The following TIA1 variants were observed in gnomAD, a reference collection of about 807,000 sequenced individuals.
TIA1 encodes cytotoxic granule associated RNA binding protein TIA1.
In TIA1, 23 loss-of-function variants were observed where a neutral mutation model predicts 65.9. That is an observed-to-expected ratio of 0.35 (90% CI 0.25 to 0.49). TIA1 has a LOEUF of 0.49. TIA1 is among the 20% of genes least tolerant of loss of function. The probability of loss-of-function intolerance (pLI) is 0.98; values close to 1 mark genes in which losing one functional copy is unlikely to be tolerated. For synonymous variants in TIA1, 147 were observed against 149.4 expected, an observed-to-expected ratio of 0.98 and a Z score of 0.12; for missense variants, 371 against 477.9, an observed-to-expected ratio of 0.78 and a Z score of 2.09.
At chr2:70,213,634 C>G (rs192030823) in intron 12 of TIA1, among the ~76,000 whole-genome samples, 277 of 151,680 alleles carry the variant, frequency 1.8e-3, no homozygotes, top group Non-Finnish European at 3.2e-3. Context: ...TAGGCATGAG[C>G]CACCATGCCC....
intron 8 of TIA1, 76 bp from the exon 9 acceptor site, chr2:70,216,575 C>T (rs1678728262): frequency 2.1e-6 from 3 of 1,417,054 alleles, no homozygotes; most frequent in Non-Finnish European, 2.9e-6. Flanking sequence ...ATTCACTACA[C>T]TACTGTAAAG....
chr2:70,233,550 TG>T (rs370274467), intron 2 of TIA1, among the ~76,000 whole-genome samples: 5 of 152,176 alleles, frequency 3.3e-5, no homozygotes, highest in Non-Finnish European at 7.4e-5. Context: ...GGGCGGATCA[TG>T]ACATCAGGAG....
Position 70,230,116 on chromosome 2 carries a change from G to A in TIA1, c.222+640C>T, listed in dbSNP as rs369090402. Among the ~76,000 whole-genome samples the A allele has an allele frequency of 2.9e-3, 442 of 150,970 alleles. 3 individuals carry two copies. In the South Asian group the frequency reaches 0.04, roughly 13 times the overall value. The stretch of plus-strand genomic sequence containing the variant: ...AAATTAGTCAGGCGTGGTGGCGGGC[G>A]CCTGTAGTCCCAGCTACTCCAGAGG... On this transcript the variant is annotated intron_variant, in intron 3 of 12. Coordinates refer to ENST00000433529, the MANE Select transcript of TIA1 (RefSeq NM_022173.4).
intron 5 of TIA1, chr2:70,228,770 G>T: frequency 5.3e-6 from 7 of 1,323,776 alleles, no homozygotes; most frequent in East Asian, 3.2e-5. Flanking sequence ...TGGGTATGAA[G>T]CCCAAATGGT....
rs570543045 is a variant in TIA1 at position 70,211,225 on chromosome 2, C to T, written c.*1494G>A. 1 of 152,242 alleles carries T rather than the reference C, an allele frequency of 6.6e-6. No homozygotes were observed. The highest frequency in any genetic ancestry group is 2.1e-4 in the South Asian group (1 of 4,828). 9.4% of individuals were successfully genotyped at this position (152,242 alleles called of 1,614,324 possible). On this transcript the variant is annotated 3_prime_UTR_variant, in exon 13 of 13. Coordinates refer to ENST00000433529, the MANE Select transcript of TIA1 (RefSeq NM_022173.4). ...AAGTGAAACTTCCCACACAAGTCTT[C>T]TAAGAGACTCTGAAATATACTAGAA... is the stretch of plus-strand genomic sequence containing the variant.
At position 70,209,640 on chromosome 2, in the gene TIA1, G is replaced by C. The variant is rs1052964374; in HGVS notation, c.*3079C>G. 4 of 398,218 alleles carry C rather than the reference G, an allele frequency of 1.0e-5. No individual in the cohort carries two copies. Among genetic ancestry groups the C allele is most frequent in the African/African-American group, 8.2e-5 (4 of 48,608 alleles). The allele number at this position is 398,218 out of a possible 1,614,324, so 24.7% of individuals were successfully genotyped here. On this transcript the variant is annotated 3_prime_UTR_variant, in exon 13 of 13. Coordinates refer to ENST00000433529, the MANE Select transcript of TIA1 (RefSeq NM_022173.4). ...AGAGAAAATCCAGGAAGAATGAATT[G>C]AGTTCCTTCTAGGAGTTGTTTATCC...
chr2:70,248,729 C>T (rs756578342), upstream of TIA1: 5 of 452,402 alleles, frequency 1.1e-5, no homozygotes, highest in Non-Finnish European at 1.2e-5. Flanking sequence ...ACACCTTAAT[C>T]CATAGGTTCA....
intron 1 of TIA1, among the ~76,000 whole-genome samples, chr2:70,244,788 T>C (rs573280707): frequency 5.0e-5 from 7 of 140,748 alleles, no homozygotes; most frequent in South Asian, 2.2e-4. Context: ...TGAGCCAAGA[T>C]TGGGCCACTG....
Position 70,215,590 on chromosome 2 carries a change from ACAGTTTG to A in TIA1, c.765-103_765-97del, listed in dbSNP as rs11275704. The A allele has an allele frequency of 8.4e-3, 9,675 of 1,152,960 alleles. 642 individuals carry two copies. In the African/African-American group the frequency reaches 0.14, roughly 16 times the overall value. 71.4% of individuals were successfully genotyped at this position (1,152,960 alleles called of 1,614,324 possible). On this transcript the variant is annotated intron_variant, in intron 10 of 12. Coordinates refer to ENST00000433529, the MANE Select transcript of TIA1 (RefSeq NM_022173.4). Reference sequence around the variant, plus strand: ...AAAATCAAGGTGAGTCTGAGGTAAAACAGTTTGCGTAACATGGCATATTTTCTTTGCT... The same window carrying A: ...AAAATCAAGGTGAGTCTGAGGTAAAACGTAACATGGCATATTTTCTTTGCT...
At chr2:70,227,431 A>G (rs1157834663) in intron 6 of TIA1, among the ~76,000 whole-genome samples, 1 of 152,170 alleles carries the variant, frequency 6.6e-6, no homozygotes. Flanking sequence ...AATTTTACTA[A>G]AGATTGTCAC....
intron 2 of TIA1, among the ~76,000 whole-genome samples, chr2:70,233,765 A>T (rs979328101): frequency 6.3e-5 from 8 of 126,848 alleles, no homozygotes; most frequent in Admixed American, 1.7e-4. Context: ...GACTCTGTCT[A>T]AAAAAAAAAA....
chr2:70,224,940 A>G (rs931676194), intron 6 of TIA1: 21 of 1,086,594 alleles, frequency 1.9e-5, no homozygotes, highest in Admixed American at 4.7e-5. Flanking sequence ...CTACTTAACC[A>G]CTTATAAAGT....
At chr2:70,237,693 T>G (rs1689610259) in intron 1 of TIA1, among the ~76,000 whole-genome samples, 1 of 151,258 alleles carries the variant, frequency 6.6e-6, no homozygotes, top group African/African-American at 2.4e-5. Flanking sequence ...GTGAAACCCC[T>G]TCTCTACTAA....
At chr2:70,218,078 A>C (rs527683124) in intron 7 of TIA1, among the ~76,000 whole-genome samples, 1 of 152,308 alleles carries the variant, frequency 6.6e-6, no homozygotes, top group East Asian at 1.9e-4. Flanking sequence ...TTTTGTGGGG[A>C]ACAAATAAAG....
rs551942606 is a variant in TIA1, at chr2:70,228,949, A to G, written c.310+110T>C. ...AGTATTGCTAGAGAGACAAATAGAA[A>G]TAATATCTCCTCCCGCCCCCCTCCC... On this transcript the variant is annotated intron_variant, in intron 5 of 12. Transcript: ENST00000433529. The G allele has an allele frequency of 1.3e-5, 16 of 1,233,432 alleles. No homozygotes were observed. In the East Asian group the frequency reaches 3.6e-4, roughly 28 times the overall value. The allele number at this position is 1,233,432 out of a possible 1,614,324, so 76.4% of individuals were successfully genotyped here. A position where few individuals can be genotyped will look rare whatever the true frequency, so the allele number is the denominator to read the frequency against.
At chr2:70,227,922 G>C (rs1331501038) in intron 5 of TIA1, 100 bp from the exon 6 acceptor site, 3 of 733,750 alleles carry the variant, frequency 4.1e-6, no homozygotes, top group African/African-American at 1.8e-5. Flanking sequence ...AATGATTATG[G>C]CTTATGATAA....
At chr2:70,244,563 G>A (rs888178617) in intron 1 of TIA1, among the ~76,000 whole-genome samples, 3 of 151,902 alleles carry the variant, frequency 2.0e-5, no homozygotes, top group African/African-American at 7.3e-5. Flanking sequence ...TTTAAAATAG[G>A]TCTGATTGTC....
At chr2:70,217,450 T>C (rs1354839984) in intron 7 of TIA1, among the ~76,000 whole-genome samples, 1 of 151,952 alleles carries the variant, frequency 6.6e-6, no homozygotes, top group Admixed American at 6.6e-5. Flanking sequence ...CAGGCTGGAG[T>C]GTAATGGCGT....
At chr2:70,213,928 A>G (rs1677438298) in intron 12 of TIA1, among the ~76,000 whole-genome samples, 1 of 152,216 alleles carries the variant, frequency 6.6e-6, no homozygotes, top group South Asian at 2.1e-4. Flanking sequence ...CTGGGATTAC[A>G]GGCAGGAACT....
Sources: allele counts gnomAD v4.1 joint callset (sites outside exome capture counted in the v4.1 genomes callset), GRCh38; gene constraint gnomAD v4.1.1; transcripts MANE v1.5; gene names NCBI Gene and HGNC (gene_info 2026-07-23, HGNC 2026-07-21).